Variants in EPHA6 observed in about 807,000 individuals in gnomAD.
EPHA6 encodes the protein EPH receptor A6, also known as ephrin type-A receptor 6.
Under a neutral mutation model 112.0 loss-of-function variants are expected in EPHA6, and 50 were observed. The ratio of observed to expected loss-of-function variants is 0.45; its 90% CI spans 0.36 to 0.56. EPHA6 has a LOEUF of 0.56. Ranked by LOEUF, EPHA6 falls within the 20% of genes least tolerant of loss-of-function variation. The probability of loss-of-function intolerance (pLI) is 0.00; values close to 1 mark genes in which losing one functional copy is unlikely to be tolerated. For missense variants in EPHA6, 1,280 were observed against 1,417.4 expected, an observed-to-expected ratio of 0.90 and a Z score of 1.56; for synonymous variants, 529 against 490.7, an observed-to-expected ratio of 1.08 and a Z score of -1.03.
chr3:97,555,840 C>T lies in EPHA6; in HGVS notation c.2386+23297C>T, dbSNP rs571973945. Among the ~76,000 whole-genome samples, 509 of 151,908 alleles carry T rather than the reference C, an allele frequency of 3.4e-3. 3 individuals carry two copies. The highest frequency in any genetic ancestry group is 0.011 in the African/African-American group (442 of 41,464). ...TTCTGGATATTAGCCCTTTGTCAGA[C>T]GAGTAGGTTGCGAAAATTTTCTCCC... On this transcript the variant is annotated intron_variant, in intron 11 of 17. Coordinates refer to ENST00000389672, the MANE Select transcript of EPHA6 (RefSeq NM_001080448.3).
At chr3:97,092,920 C>T (rs1487012060) in intron 3 of EPHA6, among the ~76,000 whole-genome samples, 1 of 152,130 alleles carries the variant, frequency 6.6e-6, no homozygotes, top group African/African-American at 2.4e-5. Flanking sequence ...CTCTCCAACA[C>T]AGCATGATTC....
chr3:97,399,506 C>A (rs1406273658), intron 5 of EPHA6, among the ~76,000 whole-genome samples: 3 of 151,528 alleles, frequency 2.0e-5, no homozygotes, highest in African/African-American at 7.3e-5. Flanking sequence ...TTTGAAAAGC[C>A]TCCATACTAT....
At chr3:96,837,722 A>G (rs1227923019) in intron 1 of EPHA6, among the ~76,000 whole-genome samples, 1 of 152,202 alleles carries the variant, frequency 6.6e-6, no homozygotes, top group East Asian at 1.9e-4. Flanking sequence ...AGACATTTTG[A>G]TTATATTATT....
Position 96,983,052 on chromosome 3 carries a change from A to G in EPHA6, c.451-4278A>G, listed in dbSNP as rs182442489. On this transcript the variant is annotated intron_variant, in intron 2 of 17. Transcript: ENST00000389672. ...TAATTGGAGCATTTAGCCCATTTAC[A>G]TTTAAGGTTAATATTGTTATGTGTG... 5.5e-3 allele frequency among the ~76,000 whole-genome samples: 842 copies of G among 152,238 alleles called. 7 individuals carry two copies. The highest frequency in any genetic ancestry group is 0.02 in the African/African-American group (818 of 41,524).
chr3:97,744,488 G>A (rs1023343743), intron 16 of EPHA6, among the ~76,000 whole-genome samples: 1 of 151,976 alleles, frequency 6.6e-6, no homozygotes, highest in Non-Finnish European at 1.5e-5. Flanking sequence ...TTATTGCACA[G>A]TGTCTGTGAA....
intron 3 of EPHA6, among the ~76,000 whole-genome samples, chr3:97,157,206 A>T (rs986759017): frequency 7.9e-5 from 12 of 152,180 alleles, no homozygotes; most frequent in Non-Finnish European, 1.3e-4. Flanking sequence ...CATGAAGATT[A>T]AGAAGTTTGT....
intron 14 of EPHA6, among the ~76,000 whole-genome samples, chr3:97,714,768 A>T (rs1351710889): frequency 6.6e-6 from 1 of 152,166 alleles, no homozygotes; most frequent in African/African-American, 2.4e-5. Context: ...AGGCCCCAGA[A>T]TGCTGACCTC....
chr3:96,987,759 G>T lies in EPHA6; in HGVS notation c.880G>T (p.Val294Phe), dbSNP rs775775597. The change falls in exon 3 of 18, where the codon GTC becomes TTC. Residue 294 changes from valine to phenylalanine, a missense_variant. Transcript: ENST00000389672. ...DIGACIALVSVRVFYKKCPFT... is the reference protein window; with the variant it reads ...DIGACIALVSFRVFYKKCPFT... ...TGGGGCGTGCATTGCCCTGGTTTCA[G>T]TCCGTGTTTTCTACAAGAAATGCCC... 1 of 1,613,822 alleles carries T rather than the reference G, an allele frequency of 6.2e-7. No individual in the cohort carries two copies. The highest frequency in any genetic ancestry group is 1.1e-5 in the South Asian group (1 of 91,034).
At chr3:97,342,034 G>A (rs1577033961) in intron 5 of EPHA6, among the ~76,000 whole-genome samples, 3 of 152,228 alleles carry the variant, frequency 2.0e-5, no homozygotes, top group East Asian at 3.9e-4. Context: ...CATAGAGAGA[G>A]GAATAGCAGG....
intron 3 of EPHA6, among the ~76,000 whole-genome samples, chr3:97,099,703 C>T (rs945487738): frequency 1.3e-5 from 2 of 151,918 alleles, no homozygotes; most frequent in African/African-American, 4.8e-5. Context: ...ATCTGCCAAG[C>T]TCTCTCCATC....
chr3:97,265,590 A>G (rs1218330874), intron 5 of EPHA6, among the ~76,000 whole-genome samples: 1 of 152,184 alleles, frequency 6.6e-6, no homozygotes, highest in East Asian at 1.9e-4. Flanking sequence ...CCGAGCCTGC[A>G]GGGGCAGGGG....
At chr3:97,668,235 A>C (rs2030365100) in intron 14 of EPHA6, among the ~76,000 whole-genome samples, 1 of 152,200 alleles carries the variant, frequency 6.6e-6, no homozygotes, top group Non-Finnish European at 1.5e-5. Context: ...AACATGTATT[A>C]AATGAATATT....
chr3:97,188,943 C>G (rs1477733738), intron 3 of EPHA6, among the ~76,000 whole-genome samples: 1 of 151,274 alleles, frequency 6.6e-6, no homozygotes, highest in Non-Finnish European at 1.5e-5. Context: ...GGTGACATTT[C>G]CTTTAGTTAT....
intron 5 of EPHA6, among the ~76,000 whole-genome samples, chr3:97,353,896 C>G (rs1459534857): frequency 7.9e-5 from 12 of 152,136 alleles, no homozygotes; most frequent in Admixed American, 2.0e-4. Context: ...GCTTATGTTA[C>G]CCCTCCCCCA....
intron 3 of EPHA6, among the ~76,000 whole-genome samples, chr3:97,125,879 T>C (rs1371267844): frequency 6.6e-6 from 1 of 152,190 alleles, no homozygotes; most frequent in African/African-American, 2.4e-5. Context: ...GAGTATTCTT[T>C]TTATTGTAAT....
chr3:97,215,672 C>A (rs1212804368), intron 3 of EPHA6, among the ~76,000 whole-genome samples: 1 of 151,236 alleles, frequency 6.6e-6, no homozygotes, highest in Non-Finnish European at 1.5e-5. Context: ...TTTAGTTTGC[C>A]TTTAATATAT....
chr3:96,873,753 C>T (rs1365225114), intron 2 of EPHA6, among the ~76,000 whole-genome samples: 1 of 152,094 alleles, frequency 6.6e-6, no homozygotes, highest in East Asian at 1.9e-4. Context: ...TGATGAAACT[C>T]CCAGGTGCTC....
At chr3:97,209,311 A>AC (rs2077801139) in intron 3 of EPHA6, among the ~76,000 whole-genome samples, 2 of 152,002 alleles carry the variant, frequency 1.3e-5, no homozygotes, top group African/African-American at 2.4e-5. Context: ...ACACACACAC[A>AC]AACACACACA....
chr3:96,872,169 A>G (rs1237868313), intron 2 of EPHA6, among the ~76,000 whole-genome samples: 1 of 152,152 alleles, frequency 6.6e-6, no homozygotes, highest in Non-Finnish European at 1.5e-5. Flanking sequence ...GAAGATGGTC[A>G]TGTTAAGTAC....
Sources: allele counts gnomAD v4.1 joint callset (sites outside exome capture counted in the v4.1 genomes callset), GRCh38; gene constraint gnomAD v4.1.1; transcripts MANE v1.5; gene names NCBI Gene and HGNC (gene_info 2026-07-23, HGNC 2026-07-21).